The following LYST variants were observed in gnomAD, a reference collection of about 807,000 sequenced individuals.
LYST encodes the protein lysosomal trafficking regulator.
Under a neutral mutation model 413.6 loss-of-function variants are expected in LYST, and 192 were observed. The ratio of observed to expected loss-of-function variants is 0.46; its 90% CI spans 0.41 to 0.52. The LOEUF is 0.52. LYST is among the 20% of genes least tolerant of loss of function. The probability of loss-of-function intolerance (pLI) is 0.00; values close to 1 mark genes in which losing one functional copy is unlikely to be tolerated. For missense variants in LYST, 3,815 were observed against 4,499.9 expected, an observed-to-expected ratio of 0.85 and a Z score of 4.35; for synonymous variants, 1,525 against 1,567.3, an observed-to-expected ratio of 0.97 and a Z score of 0.64.
upstream of LYST, among the ~76,000 whole-genome samples, chr1:235,869,158 A>G (rs1007715840): frequency 6.6e-6 from 1 of 152,258 alleles, no homozygotes; most frequent in Admixed American, 6.5e-5. Context: ...AGAAAAAAGT[A>G]AAGTAATAGG....
chr1:235,790,727 C>CT (rs779153183), intron 12 of LYST, among the ~76,000 whole-genome samples: 5 of 152,116 alleles, frequency 3.3e-5, no homozygotes, highest in Non-Finnish European at 7.4e-5. Context: ...CCATAAATTG[C>CT]TTTTCAATGA....
In LYST at chr1:235,800,337, T is replaced by G. The variant is rs74641549; in HGVS notation, c.3989A>C (p.Asp1330Ala). 7.1e-3 allele frequency: 11,237 copies of G among 1,587,506 alleles called. 648 individuals are homozygous for G. In the African/African-American group the frequency reaches 0.13, roughly 18 times the overall value. ...LGGFLSILTQDDSDFQACQRV... is the reference protein window; with the variant it reads ...LGGFLSILTQADSDFQACQRV... ...CAACTTACCTTGAAAATCAGAATCATCCTGTGTTAAAATACTCAAGAACCC... is the reference window on the plus strand; with the variant it reads ...CAACTTACCTTGAAAATCAGAATCAGCCTGTGTTAAAATACTCAAGAACCC... The change falls in exon 10 of 53, where the codon GAT becomes GCT. Residue 1330 changes from aspartate (D) to alanine (A), a missense_variant. Coordinates refer to ENST00000389793, the MANE Select transcript of LYST (RefSeq NM_000081.4).
chr1:235,675,506 T>C (rs1268423892), intron 50 of LYST, among the ~76,000 whole-genome samples: 2 of 152,186 alleles, frequency 1.3e-5, no homozygotes. Flanking sequence ...GAAGTAAATG[T>C]GCCTTCCTGA....
chr1:235,799,347 C>T (rs559598617), intron 10 of LYST, among the ~76,000 whole-genome samples: 2 of 152,148 alleles, frequency 1.3e-5, no homozygotes, highest in South Asian at 2.1e-4. Context: ...AGTTATCTCC[C>T]CACAAGATAC....
intron 44 of LYST, 91 bp downstream of exon 44, chr1:235,709,000 G>C (rs1353400897): frequency 1.8e-6 from 2 of 1,103,430 alleles, no homozygotes; most frequent in Admixed American, 1.8e-5. Flanking sequence ...TTGATAACTT[G>C]AGTGTTTTAA....
intron 1 of LYST, among the ~76,000 whole-genome samples, chr1:235,876,092 A>C (rs1383900114): frequency 6.6e-6 from 1 of 151,958 alleles, no homozygotes; most frequent in Non-Finnish European, 1.5e-5. Flanking sequence ...GCATGGTGGC[A>C]GCTCCTATAG....
intron 24 of LYST, among the ~76,000 whole-genome samples, chr1:235,756,709 G>A (rs911533601): frequency 2.6e-5 from 4 of 152,088 alleles, no homozygotes; most frequent in African/African-American, 9.7e-5. Context: ...CCCTCATGGA[G>A]CTTATATTTG....
chr1:235,737,929 C>T (rs866349819), intron 31 of LYST: 12 of 1,173,390 alleles, frequency 1.0e-5, no homozygotes, highest in Non-Finnish European at 1.3e-5. Context: ...CTGGATCTCA[C>T]TGCCGCGTGC....
Position 235,720,820 on chromosome 1 carries a change from A to T in LYST, c.9401T>A (p.Leu3134Ter). 6.2e-7 allele frequency: 1 copy of T among 1,614,080 alleles called. No individual in the cohort carries two copies. Among genetic ancestry groups the T allele is most frequent in the Non-Finnish European group, 8.5e-7 (1 of 1,179,962 alleles). The change falls in exon 40 of 53, where the codon TTA (leucine) becomes TAA (stop). Residue 3134 changes from leucine to a stop codon, truncating the protein, a stop_gained. Transcript: ENST00000389793. LOFTEE classifies it high-confidence loss of function. ...EYGNITALTNLWYTGQITNFE... is the reference protein window; with the variant it reads ...EYGNITALTN Reference sequence around the variant, plus strand: ...ATTAGTAATTTGCCCAGTATACCATAAATTTGTCAGAGCGGTGATGTTACC... The same window carrying T: ...ATTAGTAATTTGCCCAGTATACCATTAATTTGTCAGAGCGGTGATGTTACC...
At chr1:235,820,133 G>A (rs988740625) in intron 3 of LYST, among the ~76,000 whole-genome samples, 5 of 152,172 alleles carry the variant, frequency 3.3e-5, no homozygotes, top group Non-Finnish European at 7.3e-5. Flanking sequence ...GTTTAGACTG[G>A]GTTTTAAACT....
chr1:235,737,578 C>G (rs575407160), intron 31 of LYST: 1 of 152,194 alleles, frequency 6.6e-6, no homozygotes, highest in African/African-American at 2.4e-5. Flanking sequence ...GGGCCTGGGA[C>G]ATTCTTCTGT....
chr1:235,843,022 T>C (rs1677391113), intron 1 of LYST, among the ~76,000 whole-genome samples: 4 of 152,160 alleles, frequency 2.6e-5, no homozygotes, highest in Admixed American at 2.0e-4. Flanking sequence ...TATAATGGCA[T>C]TTTTAGATGC....
In LYST at chr1:235,709,252, G is replaced by A. The variant is rs781461708; in HGVS notation, c.9982C>T (p.Pro3328Ser). Reference sequence around the variant, plus strand: ...AGACGAGGATCATTACGCGCCCAAGGGGGAAGGTTGACGTGATTAACCCGT... The same window carrying A: ...AGACGAGGATCATTACGCGCCCAAGAGGGAAGGTTGACGTGATTAACCCGT... ...GERVNHVNLP[P>S]WARNDPRLFI... The change falls in exon 44 of 53, where the codon CCT becomes TCT. Residue 3328 changes from proline to serine, a missense_variant. Coordinates refer to ENST00000389793, the MANE Select transcript of LYST (RefSeq NM_000081.4). 20 of 1,614,038 alleles carry A rather than the reference G, an allele frequency of 1.2e-5. No individual in the cohort carries two copies. Among genetic ancestry groups the A allele is most frequent in the Non-Finnish European group, 1.7e-5 (20 of 1,180,006 alleles).
At chr1:235,827,684 T>C in intron 3 of LYST, 1 of 984,018 alleles carries the variant, frequency 1.0e-6, no homozygotes, top group Non-Finnish European at 1.2e-6. Flanking sequence ...CTACTGTTCC[T>C]ACTATTATTG....
At chr1:235,861,726 A>C (rs1290352791) in intron 1 of LYST, among the ~76,000 whole-genome samples, 2 of 152,192 alleles carry the variant, frequency 1.3e-5, no homozygotes. Context: ...AACCAGGCTC[A>C]AGCGATCCTC....
rs748741396 is a variant in LYST at position 235,664,050 on chromosome 1, C to CAT, written c.11199_11200dup (p.Trp3734TyrfsTer7). On this transcript the variant is annotated frameshift_variant, in exon 52 of 53. Transcript: ENST00000389793. LOFTEE classifies it high-confidence loss of function. This position sits in a 1 kb window ranked among gnomAD's most constrained non-coding sequence, Gnocchi z 4.5. ...CACAGGCTTTAAGTCCCATGTGCTC[C>CAT]ATAACCTAGAGGGGAAAAAAATCAT... 1 of 1,611,850 alleles carries CAT rather than the reference C, an allele frequency of 6.2e-7. No individual in the cohort carries two copies. The highest frequency in any genetic ancestry group is 8.5e-7 in the Non-Finnish European group (1 of 1,177,936).
chr1:235,736,526 T>C (rs1462878250), intron 31 of LYST: 2 of 152,112 alleles, frequency 1.3e-5, no homozygotes, highest in Non-Finnish European at 2.9e-5. Flanking sequence ...GACACAAAGA[T>C]ATGATTATCT....
chr1:235,858,236 G>A (rs528718534), intron 1 of LYST, among the ~76,000 whole-genome samples: 15 of 152,302 alleles, frequency 9.8e-5, no homozygotes, highest in African/African-American at 3.6e-4. Flanking sequence ...CTTCGTAGCT[G>A]TGAGTCTTGG....
intron 32 of LYST, 114 bp from the exon 33 acceptor site, chr1:235,734,020 T>C: frequency 1.7e-6 from 1 of 578,332 alleles, no homozygotes; most frequent in Non-Finnish European, 3.0e-6. Context: ...AAAACAATTG[T>C]CCCTAGGAGA....
Sources: allele counts gnomAD v4.1 joint callset (sites outside exome capture counted in the v4.1 genomes callset), GRCh38; gene constraint gnomAD v4.1.1; non-coding constraint Gnocchi (gnomAD v3.1); transcripts MANE v1.5; gene names NCBI Gene and HGNC (gene_info 2026-07-23, HGNC 2026-07-21).